The following UBA2 variants were observed in gnomAD, a reference collection of about 807,000 sequenced individuals.
The protein encoded by UBA2 is SUMO-activating enzyme subunit 2.
In UBA2, 11 loss-of-function variants were observed where a neutral mutation model predicts 77.2. The ratio of observed to expected loss-of-function variants is 0.14; its 90% CI spans 0.09 to 0.24. The LOEUF is 0.24. UBA2 is among the 10% of genes least tolerant of loss of function. UBA2 has a pLI of 1.00. For synonymous variants in UBA2, 278 were observed against 276.7 expected (o/e 1.00, Z -0.05); for missense variants, 487 against 781.7 (o/e 0.62, Z 4.50).
intron 4 of UBA2, among the ~76,000 whole-genome samples, 192 bp from the exon 5 acceptor site, chr19:34,434,676 T>A (rs752903915): frequency 5.9e-5 from 9 of 152,206 alleles, no homozygotes; most frequent in Non-Finnish European, 8.8e-5. Context: ...GTGATATAAA[T>A]TCTATTTGAT....
chr19:34,428,631 G>A (rs1445307974), intron 1 of UBA2, 61 bp downstream of exon 1: 6 of 1,260,802 alleles, frequency 4.8e-6, no homozygotes, highest in African/African-American at 1.5e-5. Flanking sequence ...GGATTCGGGG[G>A]TTCCGGGGCT....
intron 7 of UBA2, among the ~76,000 whole-genome samples, 194 bp from the exon 8 acceptor site, chr19:34,444,806 C>G (rs1370853162): frequency 6.6e-6 from 1 of 152,058 alleles, no homozygotes; most frequent in Non-Finnish European, 1.5e-5. Flanking sequence ...GACTTTGTCT[C>G]CAAAAACAAG....
At chr19:34,463,929 C>A in intron 14 of UBA2, 97 bp from the exon 15 acceptor site, 2 of 811,672 alleles carry the variant, frequency 2.5e-6, no homozygotes, top group Non-Finnish European at 4.2e-6. Flanking sequence ...GAACGGGACA[C>A]AAATCAGCCC....
chr19:34,443,314 G>A (rs2075390373), intron 6 of UBA2, among the ~76,000 whole-genome samples: 1 of 152,250 alleles, frequency 6.6e-6, no homozygotes, highest in African/African-American at 2.4e-5. Flanking sequence ...GCAGAGCCTC[G>A]CTGATAGGAA....
chr19:34,433,494 G>T, intron 4 of UBA2, 82 bp downstream of exon 4: 1 of 975,294 alleles, frequency 1.0e-6, no homozygotes, highest in South Asian at 1.4e-5. Flanking sequence ...ATATTTATTA[G>T]ACTATTGTGA....
At chr19:34,455,862 G>A (rs772758782) in intron 12 of UBA2, among the ~76,000 whole-genome samples, 4 of 151,782 alleles carry the variant, frequency 2.6e-5, no homozygotes, top group Admixed American at 6.6e-5. Flanking sequence ...GGCTGGTCTC[G>A]AACTCCTGAC....
intron 5 of UBA2, among the ~76,000 whole-genome samples, chr19:34,438,306 A>C (rs1390125664): frequency 6.6e-6 from 1 of 152,006 alleles, no homozygotes; most frequent in Non-Finnish European, 1.5e-5. Context: ...ATTTCTTGGA[A>C]AGCTGCTGTT....
intron 1 of UBA2, chr19:34,429,259 G>C (rs1357753193): frequency 7.1e-6 from 7 of 985,162 alleles, no homozygotes; most frequent in Non-Finnish European, 2.4e-6. Context: ...CGTTAGGACT[G>C]TGCCTTTTGC....
At chr19:34,429,229 C>T (rs2075224020) in intron 1 of UBA2, 2 of 985,438 alleles carry the variant, frequency 2.0e-6, no homozygotes, top group Non-Finnish European at 2.4e-6. Context: ...AGACGGTACA[C>T]TCGCTTGTTT....
chr19:34,450,237 T>C, intron 8 of UBA2, 28 bp from the exon 9 acceptor site: 1 of 1,509,556 alleles, frequency 6.6e-7, no homozygotes, highest in Non-Finnish European at 9.2e-7. Context: ...GATTATGGGG[T>C]TCATGGGATC....
Position 34,470,606 on chromosome 19 carries a change from T to C in UBA2, c.*1385T>C. ...GGCGCGATCCTGGCTCACTGCAGCC[T>C]CCGCCTTCCAGGTGCAAGCGATTCT... On this transcript the variant is annotated 3_prime_UTR_variant, in exon 17 of 17. Coordinates refer to ENST00000246548, the MANE Select transcript of UBA2 (RefSeq NM_005499.3). 1 of 152,386 alleles carries C rather than the reference T, an allele frequency of 6.6e-6. No homozygotes were observed. The highest frequency in any genetic ancestry group is 1.5e-5 in the Non-Finnish European group (1 of 68,090). The allele number at this position is 152,386 out of a possible 1,614,324, so 9.4% of individuals were successfully genotyped here.
At chr19:34,448,561 C>T (rs1253058142) in intron 8 of UBA2, among the ~76,000 whole-genome samples, 1 of 152,166 alleles carries the variant, frequency 6.6e-6, no homozygotes, top group Non-Finnish European at 1.5e-5. Context: ...CACCACTGCA[C>T]TTCAGCCTGG....
At position 34,469,249 on chromosome 19, in the gene UBA2, T is replaced by C. The variant is rs1445050251; in HGVS notation, c.*28T>C. 1 of 1,516,654 alleles carries C rather than the reference T, an allele frequency of 6.6e-7. No individual in the cohort carries two copies. Among genetic ancestry groups the C allele is most frequent in the Non-Finnish European group, 8.8e-7 (1 of 1,137,664 alleles). 93.9% of individuals were successfully genotyped at this position (1,516,654 alleles called of 1,614,324 possible). On this transcript the variant is annotated 3_prime_UTR_variant, in exon 17 of 17. Transcript: ENST00000246548. The stretch of plus-strand genomic sequence containing the variant: ...AGAAATGCCTCTAAACAGAACCCTC[T>C]TACTATTTAGTTTATCTGGGCAGAA...
At chr19:34,468,585 T>G (rs1375838393) in intron 16 of UBA2, among the ~76,000 whole-genome samples, 1 of 152,240 alleles carries the variant, frequency 6.6e-6, no homozygotes, top group Non-Finnish European at 1.5e-5. Context: ...AGTCATTCAC[T>G]GAGTTTCCTT....
At position 34,458,321 on chromosome 19, in the gene UBA2, C is replaced by T. The variant is rs185069420; in HGVS notation, c.1246-448C>T. Among the ~76,000 whole-genome samples, 132 of 151,704 alleles carry T rather than the reference C, an allele frequency of 8.7e-4. 1 individual carries two copies. Among genetic ancestry groups the T allele is most frequent in the Admixed American group, 1.3e-3 (20 of 15,246 alleles). On this transcript the variant is annotated intron_variant, in intron 12 of 16. Transcript: ENST00000246548. ...CTGTAATCCCAGCACTTTGGGAGGC[C>T]GAGGCGGGCGGATCACGAGGTCAGG...
intron 4 of UBA2, among the ~76,000 whole-genome samples, chr19:34,434,027 C>T (rs1474046403): frequency 6.6e-6 from 1 of 151,386 alleles, no homozygotes; most frequent in Non-Finnish European, 1.5e-5. Flanking sequence ...TCTGTAATTA[C>T]TTCCACATGT....
chr19:34,434,973 A>G lies in UBA2; in HGVS notation c.459+5A>G. The G allele has an allele frequency of 1.9e-6, 3 of 1,580,622 alleles. No individual in the cohort carries two copies. Among genetic ancestry groups the G allele is most frequent in the Non-Finnish European group, 2.6e-6 (3 of 1,161,404 alleles). On this transcript the variant is annotated splice_donor_5th_base_variant and intron_variant, in intron 5 of 16. Coordinates refer to ENST00000246548, the MANE Select transcript of UBA2 (RefSeq NM_005499.3). ...CAAGTAACTACTATCAAAAAGGTAA[A>G]GAAAAGTTTTATTTTTTTAACTTCC...
At position 34,460,548 on chromosome 19, in the gene UBA2, G is replaced by A. The variant is rs2075619842; in HGVS notation, c.1480G>A (p.Glu494Lys). 1.9e-6 allele frequency: 3 copies of A among 1,609,768 alleles called. No homozygotes were observed. The highest frequency in any genetic ancestry group is 1.1e-5 in the South Asian group (1 of 90,020). The change falls in exon 14 of 17, where the codon GAA (glutamate) becomes AAA (lysine). Residue 494 changes from glutamate to lysine, a missense_variant. By Grantham distance (56) the Glu-to-Lys change is moderately conservative (BLOSUM62 1). Around this residue, in one of 9 missense-constraint regions of UBA2, gnomAD observed 300 missense variants for 454.3 expected, o/e 0.66. Transcript: ENST00000246548. ...GAAAGGAACAATCCTAATATCTTCCGAAGAGGGAGAGACGGAAGGTATCAT... is the reference window on the plus strand; with the variant it reads ...GAAAGGAACAATCCTAATATCTTCCAAAGAGGGAGAGACGGAAGGTATCAT... ...DGKGTILISS[E>K]EGETEANNHK...
chr19:34,434,911 T>G lies in UBA2; in HGVS notation c.402T>G (p.Val134=). 4 of 1,609,856 alleles carry G rather than the reference T, an allele frequency of 2.5e-6. No individual in the cohort carries two copies. The highest frequency in any genetic ancestry group is 3.4e-6 in the Non-Finnish European group (4 of 1,178,064). Reference sequence around the variant, plus strand: ...ATAGAATGTGCCTGGCAGCTGATGTTCCTCTTATTGAAAGTGGAACAGCTG... The same window carrying G: ...ATAGAATGTGCCTGGCAGCTGATGTGCCTCTTATTGAAAGTGGAACAGCTG... ...HVNRMCLAAD[V]PLIESGTAGY... The change falls in exon 5 of 17, where the codon GTT becomes GTG. Residue 134 remains valine, a synonymous_variant. Coordinates refer to ENST00000246548, the MANE Select transcript of UBA2 (RefSeq NM_005499.3).
Sources: gnomAD v4.1 joint callset for allele counts (sites outside exome capture counted in the v4.1 genomes callset) on GRCh38, gnomAD v4.1.1 for gene constraint, gnomAD v4.1.1 regional missense constraint, MANE v1.5 for transcripts, NCBI Gene and HGNC (gene_info 2026-07-23, HGNC 2026-07-21) for gene names.